The following STPG2 variants were observed in gnomAD, a reference collection of about 807,000 sequenced individuals.
STPG2 encodes sperm-tail PG-rich repeat-containing protein 2.
Under a neutral mutation model 54.2 loss-of-function variants are expected in STPG2, and 56 were observed. The ratio of observed to expected loss-of-function variants is 1.03; its 90% CI spans 0.83 to 1.29. The LOEUF is 1.29. Among genes scored for constraint, STPG2 ranks in the 50% most tolerant of loss-of-function variants. The probability of loss-of-function intolerance (pLI) is 0.00; values close to 1 mark genes in which losing one functional copy is unlikely to be tolerated. For synonymous variants in STPG2, 200 were observed against 181.8 expected, an observed-to-expected ratio of 1.10 and a Z score of -0.81; for missense variants, 596 against 544.9, an observed-to-expected ratio of 1.09 and a Z score of -0.93.
intron 5 of STPG2, among the ~76,000 whole-genome samples, chr4:97,997,856 T>C (rs965657247): frequency 2.0e-5 from 3 of 152,104 alleles, no homozygotes; most frequent in Non-Finnish European, 4.4e-5. Flanking sequence ...TGGGGTCTAC[T>C]TGCATCAGAT....
intron 5 of STPG2, among the ~76,000 whole-genome samples, chr4:98,000,563 C>T (rs1056093387): frequency 1.2e-4 from 18 of 152,118 alleles, no homozygotes; most frequent in Admixed American, 2.6e-4. Flanking sequence ...ATAATTGCAA[C>T]GTAAATTTTG....
chr4:98,065,293 G>T (rs1477247089), intron 5 of STPG2, among the ~76,000 whole-genome samples: 1 of 151,972 alleles, frequency 6.6e-6, no homozygotes, highest in Admixed American at 6.6e-5. Flanking sequence ...TTAATGACAG[G>T]ATTATCTAGA....
At chr4:97,626,181 T>C (rs1734133952) in intron 10 of STPG2, among the ~76,000 whole-genome samples, 1 of 152,162 alleles carries the variant, frequency 6.6e-6, no homozygotes, top group South Asian at 2.1e-4. Flanking sequence ...AAGAAAAATA[T>C]CATAAACTCT....
chr4:98,099,698 C>T (rs572316714), intron 5 of STPG2, among the ~76,000 whole-genome samples: 23 of 152,276 alleles, frequency 1.5e-4, no homozygotes, highest in Non-Finnish European at 3.1e-4. Context: ...GCTTATTTCA[C>T]ATTGCATGCC....
At chr4:97,677,252 T>C (rs1225423432) in intron 10 of STPG2, among the ~76,000 whole-genome samples, 2 of 152,214 alleles carry the variant, frequency 1.3e-5, no homozygotes, top group African/African-American at 4.8e-5. Flanking sequence ...AATGGTTTGA[T>C]GTATTGAACA....
At chr4:97,452,600 C>T (rs1729406057) in intron 4 of STPG2, among the ~76,000 whole-genome samples, 1 of 152,150 alleles carries the variant, frequency 6.6e-6, no homozygotes, top group Non-Finnish European at 1.5e-5. Context: ...AGAGGAGCAA[C>T]CCTTATTGTT....
chr4:97,885,073 T>C (rs1730514500), intron 8 of STPG2, among the ~76,000 whole-genome samples: 1 of 152,124 alleles, frequency 6.6e-6, no homozygotes, highest in Non-Finnish European at 1.5e-5. Context: ...ATTAAAAAAA[T>C]AGCTACTAAA....
chr4:97,570,498 T>C (rs1158146327), intron 10 of STPG2, among the ~76,000 whole-genome samples: 1 of 151,896 alleles, frequency 6.6e-6, no homozygotes, highest in Non-Finnish European at 1.5e-5. Flanking sequence ...AGATAAAAGA[T>C]ACCACTCTCT....
At chr4:98,040,931 G>A (rs1476069608) in intron 5 of STPG2, among the ~76,000 whole-genome samples, 2 of 151,666 alleles carry the variant, frequency 1.3e-5, no homozygotes, top group Non-Finnish European at 3.0e-5. Flanking sequence ...TGAATCAAAA[G>A]AATCAGTATT....
At chr4:97,751,276 G>T (rs1725574270) in intron 9 of STPG2, among the ~76,000 whole-genome samples, 1 of 151,766 alleles carries the variant, frequency 6.6e-6, no homozygotes, top group African/African-American at 2.4e-5. Context: ...GCTGATTTTA[G>T]TCGATATCCT....
chr4:97,689,099 G>A (rs1390273848), intron 10 of STPG2, among the ~76,000 whole-genome samples: 1 of 152,052 alleles, frequency 6.6e-6, no homozygotes, highest in Non-Finnish European at 1.5e-5. Flanking sequence ...GCTGTCTGAG[G>A]TGGTTTTACT....
At chr4:97,814,989 T>A (rs1727862005) in intron 9 of STPG2, among the ~76,000 whole-genome samples, 1 of 152,112 alleles carries the variant, frequency 6.6e-6, no homozygotes, top group Non-Finnish European at 1.5e-5. Flanking sequence ...TTTCTTAGTA[T>A]TACTGTGCCT....
chr4:97,549,289 C>A (rs1303195515), intron 4 of STPG2, among the ~76,000 whole-genome samples: 1 of 152,132 alleles, frequency 6.6e-6, no homozygotes, highest in Non-Finnish European at 1.5e-5. Context: ...TAGCCTGTTG[C>A]CTAGACCTAG....
rs551935171 is a variant in STPG2, at chr4:97,680,812, C to T, written c.1320+31887G>A. 2.5e-4 allele frequency among the ~76,000 whole-genome samples: 38 copies of T among 150,678 alleles called. No homozygotes were observed. In the East Asian group the frequency reaches 7.2e-3, roughly 29 times the overall value. On this transcript the variant is annotated intron_variant, in intron 10 of 10. Transcript: ENST00000295268. ...TAAATTTTTAACCATTACGCTGTTA[C>T]CCATGAAGACCTGAATAATAACAAT...
intron 5 of STPG2, among the ~76,000 whole-genome samples, chr4:98,014,939 C>T (rs1257214720): frequency 6.6e-6 from 1 of 152,070 alleles, no homozygotes; most frequent in Non-Finnish European, 1.5e-5. Context: ...CCACTGTCTC[C>T]TGGCCTGCAA....
At chr4:97,967,964 G>C (rs552592764) in intron 7 of STPG2, among the ~76,000 whole-genome samples, 56 of 152,148 alleles carry the variant, frequency 3.7e-4, no homozygotes, top group African/African-American at 1.3e-3. Flanking sequence ...AGAAGCAAGA[G>C]CAAACACATT....
chr4:98,016,080 A>G (rs771598612), intron 5 of STPG2, among the ~76,000 whole-genome samples: 1 of 152,196 alleles, frequency 6.6e-6, no homozygotes, highest in Non-Finnish European at 1.5e-5. Context: ...TAGGGGAGGG[A>G]TAGCATTAGG....
intron 5 of STPG2, among the ~76,000 whole-genome samples, chr4:98,093,884 C>G (rs1000138661): frequency 6.6e-6 from 1 of 152,168 alleles, no homozygotes; most frequent in Non-Finnish European, 1.5e-5. Flanking sequence ...AGGGGAATCA[C>G]CCATCCCAGT....
chr4:98,006,049 T>A (rs2149278887), intron 5 of STPG2, among the ~76,000 whole-genome samples: 1 of 152,330 alleles, frequency 6.6e-6, no homozygotes, highest in East Asian at 1.9e-4. Context: ...CCTTACTCAA[T>A]ATTGTTTTTC....
Sources: gnomAD v4.1 joint callset for allele counts (sites outside exome capture counted in the v4.1 genomes callset) on GRCh38, gnomAD v4.1.1 for gene constraint, MANE v1.5 for transcripts, NCBI Gene and HGNC (gene_info 2026-07-23, HGNC 2026-07-21) for gene names.